Variants in NNMT observed in about 807,000 individuals in gnomAD.
NNMT encodes the protein nicotinamide N-methyltransferase.
In NNMT, 10 loss-of-function variants were observed where a neutral mutation model predicts 11.7. That is an observed-to-expected ratio of 0.85 (90% CI 0.53 to 1.45). The LOEUF is 1.45. Among genes scored for constraint, NNMT ranks in the 40% most tolerant of loss-of-function variants. The pLI, the probability that NNMT is intolerant of heterozygous loss-of-function variation, is 0.00. For synonymous variants in NNMT, 143 were observed against 133.8 expected (o/e 1.07, Z -0.48); for missense variants, 381 against 319.4 (o/e 1.19, Z -1.47).
intron 2 of NNMT, among the ~76,000 whole-genome samples, chr11:114,277,827 T>C (rs993268488): frequency 2.6e-5 from 4 of 152,174 alleles, no homozygotes; most frequent in African/African-American, 9.7e-5. Flanking sequence ...TGTGGAGTAC[T>C]CTGTAAAGCT....
At chr11:114,304,005 A>G (rs1945466281) in intron 2 of NNMT, among the ~76,000 whole-genome samples, 2 of 152,230 alleles carry the variant, frequency 1.3e-5, no homozygotes, top group African/African-American at 4.8e-5. Context: ...GTGGGGCTAT[A>G]TTCTTCAATA....
intron 2 of NNMT, among the ~76,000 whole-genome samples, chr11:114,285,372 G>A (rs912625539): frequency 3.3e-5 from 5 of 152,110 alleles, no homozygotes; most frequent in Non-Finnish European, 7.4e-5. Context: ...CTTATGGTCT[G>A]CAGCCTCATT....
At chr11:114,267,685 C>G (rs1591825471) in intron 2 of NNMT, among the ~76,000 whole-genome samples, 1 of 152,316 alleles carries the variant, frequency 6.6e-6, no homozygotes, top group East Asian at 1.9e-4. Flanking sequence ...TGTTCCTTTT[C>G]TGTCTTTCGT....
intron 2 of NNMT, among the ~76,000 whole-genome samples, chr11:114,289,709 C>T (rs1171711702): frequency 6.6e-6 from 1 of 151,984 alleles, no homozygotes; most frequent in Non-Finnish European, 1.5e-5. Flanking sequence ...AATAGCAAGC[C>T]CTATATCATT....
At chr11:114,292,592 T>C (rs1238737287), upstream of NNMT, among the ~76,000 whole-genome samples, 1 of 152,148 alleles carries the variant, frequency 6.6e-6, no homozygotes, top group Non-Finnish European at 1.5e-5. Context: ...ACCCAGACAA[T>C]ATGGAAATAA....
intron 1 of NNMT, 50 bp downstream of exon 1, chr11:114,296,760 G>A: frequency 3.8e-6 from 6 of 1,576,038 alleles, no homozygotes; most frequent in Non-Finnish European, 5.2e-6. Flanking sequence ...CATATAGATG[G>A]AGTCTCAGGG....
At chr11:114,287,500 CT>C (rs1175516633) in intron 2 of NNMT, among the ~76,000 whole-genome samples, 1 of 152,148 alleles carries the variant, frequency 6.6e-6, no homozygotes, top group Non-Finnish European at 1.5e-5. Flanking sequence ...AAAGGTCTAT[CT>C]TTTTCCCCAC....
intron 2 of NNMT, among the ~76,000 whole-genome samples, chr11:114,301,334 C>G (rs541299676): frequency 6.6e-6 from 1 of 152,282 alleles, no homozygotes; most frequent in East Asian, 1.9e-4. Flanking sequence ...TTTATAGTAG[C>G]TATATTCATA....
In NNMT at chr11:114,312,338, A is replaced by AGGCAG. The variant is rs1443768350; in HGVS notation, c.657_661dup (p.Val221GlyfsTer3). 1.2e-6 allele frequency: 2 copies of AGGCAG among 1,614,086 alleles called. No individual in the cohort carries two copies. The highest frequency in any genetic ancestry group is 2.7e-5 in the African/African-American group (2 of 74,932). On this transcript the variant is annotated frameshift_variant, in exon 3 of 3. Coordinates refer to ENST00000299964, the MANE Select transcript of NNMT (RefSeq NM_006169.3). LOFTEE classifies it low-confidence loss of function (END_TRUNC). ...TTCTCCAGCCTCCCCCTGGGCCGGGAGGCAGTAGAGGCTGCTGTGAAAGAG... is the reference window on the plus strand; with the variant it reads ...TTCTCCAGCCTCCCCCTGGGCCGGGAGGCAGGGCAGTAGAGGCTGCTGTGAAAGAG...
intron 2 of NNMT, among the ~76,000 whole-genome samples, chr11:114,265,371 T>C (rs1015637092): frequency 6.6e-6 from 1 of 152,188 alleles, no homozygotes. Context: ...CTTCCCTCAC[T>C]GGCTGCTGCT....
chr11:114,276,797 C>T (rs939218383), intron 2 of NNMT, among the ~76,000 whole-genome samples: 2 of 152,228 alleles, frequency 1.3e-5, no homozygotes. Context: ...TGCAGCCCTA[C>T]CCCATGAAAT....
At chr11:114,282,671 G>A (rs78773347) in intron 2 of NNMT, among the ~76,000 whole-genome samples, 4,408 of 152,110 alleles carry the variant, frequency 0.029, 65 homozygotes, top group East Asian at 0.071. Flanking sequence ...CAAAACCCTC[G>A]CATTCCAATC....
chr11:114,273,629 C>G (rs1945189292), intron 2 of NNMT, among the ~76,000 whole-genome samples: 1 of 152,144 alleles, frequency 6.6e-6, no homozygotes, highest in Non-Finnish European at 1.5e-5. Flanking sequence ...CACCTGAGGT[C>G]AGGAGTTCAA....
chr11:114,309,367 C>T (rs1204994947), intron 2 of NNMT, among the ~76,000 whole-genome samples: 1 of 152,134 alleles, frequency 6.6e-6, no homozygotes. Flanking sequence ...TCTGCTTTGT[C>T]CAGGACTGCA....
chr11:114,278,458 C>A (rs1945231986), intron 2 of NNMT, among the ~76,000 whole-genome samples: 2 of 152,150 alleles, frequency 1.3e-5, no homozygotes, highest in African/African-American at 4.8e-5. Flanking sequence ...CAAGAATGTT[C>A]TCTTTGTACT....
At chr11:114,260,554 TC>T (rs1014048309) in intron 1 of NNMT, among the ~76,000 whole-genome samples, 1 of 152,168 alleles carries the variant, frequency 6.6e-6, no homozygotes, top group Non-Finnish European at 1.5e-5. Context: ...GGAGGCCCGC[TC>T]CGGGCTCCGG....
chr11:114,271,511 A>G (rs1377174627), intron 2 of NNMT, among the ~76,000 whole-genome samples: 1 of 152,180 alleles, frequency 6.6e-6, no homozygotes, highest in Non-Finnish European at 1.5e-5. Context: ...TATCCCCACT[A>G]CATGTGTGGC....
intron 2 of NNMT, among the ~76,000 whole-genome samples, chr11:114,284,744 G>A (rs1181791997): frequency 6.8e-6 from 1 of 146,100 alleles, no homozygotes; most frequent in South Asian, 2.3e-4. Context: ...TGACAGGCGT[G>A]AGCCACTGCA....
intron 2 of NNMT, among the ~76,000 whole-genome samples, chr11:114,278,757 T>A (rs554307910): frequency 6.6e-6 from 1 of 152,226 alleles, no homozygotes; most frequent in East Asian, 1.9e-4. Context: ...GTATCCCAGG[T>A]GCTGGGGTCA....
Sources: allele counts gnomAD v4.1 joint callset (sites outside exome capture counted in the v4.1 genomes callset), GRCh38; gene constraint gnomAD v4.1.1; transcripts MANE v1.5; gene names NCBI Gene and HGNC (gene_info 2026-07-23, HGNC 2026-07-21).